SPRYD7: variants seen among roughly 807,000 people sequenced by gnomAD.
SPRYD7 encodes the protein SPRY domain-containing protein 7.
In SPRYD7, 14 loss-of-function variants were observed where a neutral mutation model predicts 23.8. The observed-to-expected ratio is 0.59, with a 90% CI of 0.39 to 0.92. The LOEUF (loss-of-function observed/expected upper bound fraction) is 0.92. SPRYD7 is among the 40% of genes least tolerant of loss of function. The pLI is 0.00. For missense variants in SPRYD7, 194 were observed against 241.7 expected, an observed-to-expected ratio of 0.80 and a Z score of 1.31; for synonymous variants, 75 against 84.9, an observed-to-expected ratio of 0.88 and a Z score of 0.64.
rs918580861 is a variant in SPRYD7 at position 49,914,362 on chromosome 13, A to G, written c.*701T>C. ...GAATAACCTCATTTAAATGTAAAGC[A>G]TCATACTATTCTAGATGTCTGCCAG... is the stretch of plus-strand genomic sequence containing the variant. On this transcript the variant is annotated 3_prime_UTR_variant, in exon 5 of 5. Coordinates refer to ENST00000361840, the MANE Select transcript of SPRYD7 (RefSeq NM_020456.4). The G allele has an allele frequency of 6.5e-6, 1 of 153,592 alleles. No individual in the cohort carries two copies. Among genetic ancestry groups the G allele is most frequent in the Non-Finnish European group, 1.5e-5 (1 of 68,038 alleles). The allele number at this position is 153,592 out of a possible 1,614,324, so 9.5% of individuals were successfully genotyped here. A position where few individuals can be genotyped will look rare whatever the true frequency, so the allele number is the denominator to read the frequency against.
chr13:49,927,653 A>G (rs1210756370), intron 3 of SPRYD7, among the ~76,000 whole-genome samples: 1 of 152,236 alleles, frequency 6.6e-6, no homozygotes, highest in Admixed American at 6.5e-5. Flanking sequence ...ATGTGTGATC[A>G]GCAGACAGCC....
intron 1 of SPRYD7, chr13:49,935,896 G>C: frequency 3.0e-6 from 1 of 336,350 alleles, no homozygotes; most frequent in Non-Finnish European, 5.4e-6. Context: ...AAAATGGGAG[G>C]TCCACACGCC....
chr13:49,924,609 G>A (rs907963479), intron 3 of SPRYD7, among the ~76,000 whole-genome samples: 2 of 152,012 alleles, frequency 1.3e-5, no homozygotes, highest in African/African-American at 4.8e-5. Flanking sequence ...ATCTGGCTGA[G>A]CTATATAGTC....
intron 1 of SPRYD7, among the ~76,000 whole-genome samples, chr13:49,932,740 G>T (rs1298266599): frequency 6.6e-6 from 1 of 151,970 alleles, no homozygotes; most frequent in Non-Finnish European, 1.5e-5. Context: ...AAATTATTTG[G>T]TACAAATACA....
intron 4 of SPRYD7, among the ~76,000 whole-genome samples, chr13:49,920,249 G>GCAAAACAAAACAAAA (rs113040426): frequency 7.8e-4 from 116 of 149,522 alleles, no homozygotes; most frequent in Admixed American, 1.7e-3. Flanking sequence ...AGACTCTGTC[G>GCAAAACAAAACAAAA]CAAAACAAAA....
chr13:49,924,474 T>G, intron 3 of SPRYD7, among the ~76,000 whole-genome samples: 1 of 150,598 alleles, frequency 6.6e-6, no homozygotes, highest in African/African-American at 2.5e-5. Flanking sequence ...ATTTATTTAT[T>G]TGTTTGTTTG....
chr13:49,921,568 C>A lies in SPRYD7; in HGVS notation c.403G>T (p.Asp135Tyr). The A allele has an allele frequency of 6.2e-7, 1 of 1,603,208 alleles. No individual in the cohort carries two copies. Among genetic ancestry groups the A allele is most frequent in the South Asian group, 1.1e-5 (1 of 90,830 alleles). ...QEGDVVGITY[D>Y]HVELNVYLNG... is the part of the protein sequence containing the mutation. ...AAGTATACATTTAATTCGACATGGT[C>A]ATAAGTAATACCCTAGGAAGGAAAA... Residue 135 changes from aspartate to tyrosine, a missense_variant, in exon 4 of 5, where the codon GAC becomes TAC. Transcript: ENST00000361840.
chr13:49,934,242 G>A (rs1871510270), intron 1 of SPRYD7, among the ~76,000 whole-genome samples: 1 of 152,082 alleles, frequency 6.6e-6, no homozygotes, highest in Admixed American at 6.5e-5. Flanking sequence ...AATAATTTAA[G>A]TTTATAGAAA....
intron 3 of SPRYD7, among the ~76,000 whole-genome samples, chr13:49,923,061 G>C (rs1955838036): frequency 1.3e-5 from 2 of 152,246 alleles, no homozygotes; most frequent in African/African-American, 2.4e-5. Context: ...CTAGCTGATG[G>C]CTGGGATTCA....
At chr13:49,933,383 T>A (rs1871467806) in intron 1 of SPRYD7, among the ~76,000 whole-genome samples, 1 of 151,984 alleles carries the variant, frequency 6.6e-6, no homozygotes, top group African/African-American at 2.4e-5. Flanking sequence ...GGCAGATTAC[T>A]TGAGGTCAGG....
At chr13:49,925,235 T>C (rs1955868545) in intron 3 of SPRYD7, among the ~76,000 whole-genome samples, 1 of 151,084 alleles carries the variant, frequency 6.6e-6, no homozygotes, top group Non-Finnish European at 1.5e-5. Context: ...TACTAAAAAA[T>C]ACAAAAATTA....
intron 2 of SPRYD7, among the ~76,000 whole-genome samples, chr13:49,930,539 C>T (rs1356333742): frequency 6.6e-6 from 1 of 151,860 alleles, no homozygotes; most frequent in Non-Finnish European, 1.5e-5. Context: ...CAAGACCGCG[C>T]CACTGCACTC....
At position 49,913,855 on chromosome 13, in the gene SPRYD7, T is replaced by G. The variant is rs1955722008; in HGVS notation, c.*1208A>C. On this transcript the variant is annotated 3_prime_UTR_variant, in exon 5 of 5. Coordinates refer to ENST00000361840, the MANE Select transcript of SPRYD7 (RefSeq NM_020456.4). ...TGCCTATGATTATTAAGGTGTTATA[T>G]ATGTATTACCTTATTTAATCATAGA... 6.6e-6 allele frequency: 1 copy of G among 152,216 alleles called. No homozygotes were observed. Among genetic ancestry groups the G allele is most frequent in the South Asian group, 2.1e-4 (1 of 4,826 alleles). The allele number at this position is 152,216 out of a possible 1,614,324, so 9.4% of individuals were successfully genotyped here.
chr13:49,915,338 A>C (rs554463653), intron 4 of SPRYD7, among the ~76,000 whole-genome samples, 178 bp from the exon 5 acceptor site: 62 of 152,190 alleles, frequency 4.1e-4, no homozygotes, highest in Non-Finnish European at 6.8e-4. Context: ...AAACAGCCAC[A>C]ACAAAAATCA....
At position 49,913,311 on chromosome 13, in the gene SPRYD7, T is replaced by C. The variant is rs527256601; in HGVS notation, c.*1752A>G. On this transcript the variant is annotated 3_prime_UTR_variant, in exon 5 of 5. Coordinates refer to ENST00000361840, the MANE Select transcript of SPRYD7 (RefSeq NM_020456.4). ...GGCGGGCACCTGTAGTCCCACCTAC[T>C]CGGGAGGCTGAGGCAAGAGAATCGC... 2.3e-4 allele frequency: 35 copies of C among 150,976 alleles called. No individual in the cohort carries two copies. The highest frequency in any genetic ancestry group is 8.3e-4 in the African/African-American group (34 of 41,038). The allele number at this position is 150,976 out of a possible 1,614,324, so 9.4% of individuals were successfully genotyped here.
At chr13:49,916,278 G>GT (rs1955750343) in intron 4 of SPRYD7, among the ~76,000 whole-genome samples, 1 of 152,166 alleles carries the variant, frequency 6.6e-6, no homozygotes, top group Admixed American at 6.5e-5. Context: ...TGGTAATAAT[G>GT]TGAGTGTTCA....
Position 49,936,257 on chromosome 13 carries a change from G to T in SPRYD7, c.-22C>A. 4 of 1,571,296 alleles carry T rather than the reference G, an allele frequency of 2.5e-6. No individual in the cohort carries two copies. Among genetic ancestry groups the T allele is most frequent in the Non-Finnish European group, 2.6e-6 (3 of 1,155,688 alleles). On this transcript the variant is annotated 5_prime_UTR_variant, in exon 1 of 5. Transcript: ENST00000361840. ...CCATCGCGCAGGGACCACCGACTCC[G>T]CCGCCGTCCCTAGACCGAGGCGACA... is the stretch of plus-strand genomic sequence containing the variant.
chr13:49,933,835 G>A (rs79037220), intron 1 of SPRYD7, among the ~76,000 whole-genome samples: 2,865 of 152,120 alleles, frequency 0.019, 49 homozygotes, highest in Middle Eastern at 0.031. Context: ...CAAATGAGCG[G>A]TGTCCCTTTC....
At position 49,931,317 on chromosome 13, in the gene SPRYD7, C is replaced by T. The variant is rs999927829; in HGVS notation, c.107-183G>A. On this transcript the variant is annotated intron_variant, in intron 1 of 4. Transcript: ENST00000361840. ...GCCTCAGCCTCCCGAGTAGCTGGGA[C>T]TACAGGTGTGCACCACCACACCTGG... Among the ~76,000 whole-genome samples, 18 of 152,046 alleles carry T rather than the reference C, an allele frequency of 1.2e-4. 1 individual carries two copies. Among genetic ancestry groups the T allele is most frequent in the Non-Finnish European group, 1.2e-4 (8 of 68,022 alleles).
Sources: gnomAD v4.1 joint callset for allele counts (sites outside exome capture counted in the v4.1 genomes callset) on GRCh38, gnomAD v4.1.1 for gene constraint, MANE v1.5 for transcripts, NCBI Gene and HGNC (gene_info 2026-07-23, HGNC 2026-07-21) for gene names.